Variants in TRPM2 observed in about 807,000 individuals in gnomAD.
TRPM2 encodes estrogen-responsive element-associated gene 1 protein.
Under a neutral mutation model 174.0 loss-of-function variants are expected in TRPM2, and 161 were observed. That is an observed-to-expected ratio of 0.93 (90% CI 0.81 to 1.05). TRPM2 has a LOEUF of 1.05. Among genes scored for constraint, TRPM2 ranks in the 50% least tolerant of loss-of-function variants. The probability of loss-of-function intolerance (pLI) is 0.00; values close to 1 mark genes in which losing one functional copy is unlikely to be tolerated. For missense variants in TRPM2, 2,057 were observed against 2,038.0 expected (o/e 1.01, Z -0.18); for synonymous variants, 954 against 861.3 (o/e 1.11, Z -1.88).
intron 12 of TRPM2, among the ~76,000 whole-genome samples, chr21:44,397,101 C>T (rs1380648020): frequency 6.6e-6 from 1 of 151,104 alleles, no homozygotes; most frequent in Non-Finnish European, 1.5e-5. Flanking sequence ...TGCAGTGGCA[C>T]AATCTCGGCT....
In TRPM2 at chr21:44,379,176, G is replaced by A. The variant is rs1239124917; in HGVS notation, c.1194G>A (p.Arg398=). The A allele has an allele frequency of 1.9e-6, 3 of 1,613,234 alleles. No homozygotes were observed. Among genetic ancestry groups the A allele is most frequent in the Admixed American group, 3.3e-5 (2 of 60,032 alleles). Residue 398 remains arginine, a synonymous_variant, in exon 8 of 32, where the codon AGG becomes AGA. Transcript: ENST00000397928. ...TGTTTGAGACCTTCACGGAAAGCAG[G>A]ATTGTCGAGTGGACCAAAAAGGTGA... The part of the protein sequence containing the change: ...QEMFETFTES[R]IVEWTKKIQD...
intron 27 of TRPM2, among the ~76,000 whole-genome samples, chr21:44,433,442 C>T (rs556168258): frequency 1.3e-5 from 2 of 152,336 alleles, no homozygotes; most frequent in African/African-American, 2.4e-5. Context: ...TGCCCAGTGC[C>T]GAATTTGTCC....
In TRPM2 at chr21:44,441,890, C is replaced by G. The variant is rs2146437870; in HGVS notation, c.*73C>G. The G allele has an allele frequency of 1.3e-6, 2 of 1,499,516 alleles. No homozygotes were observed. The highest frequency in any genetic ancestry group is 1.4e-5 in the South Asian group (1 of 73,412). 92.9% of individuals were successfully genotyped at this position (1,499,516 alleles called of 1,614,324 possible). On this transcript the variant is annotated 3_prime_UTR_variant, in exon 32 of 32. Transcript: ENST00000397928. ...AAACCAGGGCTTCTCTCTCCTGAGC[C>G]TGGCCAGGACTCAGGCTGTTCCTGG...
chr21:44,387,463 A>G (rs546951616), intron 9 of TRPM2, among the ~76,000 whole-genome samples: 2 of 152,374 alleles, frequency 1.3e-5, no homozygotes, highest in Non-Finnish European at 2.9e-5. Flanking sequence ...AGCACAGGGC[A>G]AAAACTTCAT....
At chr21:44,419,280 G>T (rs553891501) in intron 22 of TRPM2, among the ~76,000 whole-genome samples, 2 of 152,246 alleles carry the variant, frequency 1.3e-5, no homozygotes, top group South Asian at 2.1e-4. Flanking sequence ...AGCTGGCAAG[G>T]GATGGCCAAG....
Position 44,412,164 on chromosome 21 carries a change from A to G in TRPM2, c.2963-1727A>G, listed in dbSNP as rs1458796786. ...TATATTTTGGAAGAGTTTGTAAAAGAGTGGTTTTAATTCTTCCGTGAACAT... is the reference window on the plus strand; with the variant it reads ...TATATTTTGGAAGAGTTTGTAAAAGGGTGGTTTTAATTCTTCCGTGAACAT... On this transcript the variant is annotated intron_variant, in intron 19 of 31. Transcript: ENST00000397928. Among the ~76,000 whole-genome samples the G allele has an allele frequency of 7.2e-5, 11 of 152,298 alleles. No homozygotes were observed. In the East Asian group the frequency reaches 2.1e-3, roughly 29 times the overall value.
At chr21:44,357,604 C>T (rs968787892) in intron 2 of TRPM2, among the ~76,000 whole-genome samples, 9 of 152,362 alleles carry the variant, frequency 5.9e-5, no homozygotes, top group East Asian at 1.9e-4. Flanking sequence ...CCATTCGAGG[C>T]TCAGAGCCCA....
chr21:44,360,784 C>T (rs1417898063), intron 2 of TRPM2, among the ~76,000 whole-genome samples: 1 of 152,060 alleles, frequency 6.6e-6, no homozygotes, highest in Non-Finnish European at 1.5e-5. Context: ...TCAGGCTGGT[C>T]TCGGACTCGG....
upstream of TRPM2, among the ~76,000 whole-genome samples, chr21:44,351,480 A>C (rs977351371): frequency 6.6e-6 from 1 of 152,220 alleles, no homozygotes; most frequent in Non-Finnish European, 1.5e-5. Flanking sequence ...GTCTTCTGGA[A>C]GCTCATTTCC....
intron 27 of TRPM2, among the ~76,000 whole-genome samples, chr21:44,433,012 A>C (rs2051083186): frequency 6.6e-6 from 1 of 152,140 alleles, no homozygotes; most frequent in South Asian, 2.1e-4. Context: ...GGGCACAGTG[A>C]GAGCAGCTGA....
At chr21:44,405,040 A>G in intron 16 of TRPM2, 102 bp from the exon 17 acceptor site, 1 of 1,499,900 alleles carries the variant, frequency 6.7e-7, no homozygotes, top group South Asian at 1.2e-5. Flanking sequence ...GATGATAGTG[A>G]CAGTGACTGT....
rs921438950 is a variant in TRPM2, at chr21:44,367,271, G to A, written c.604+337G>A. On this transcript the variant is annotated intron_variant, in intron 4 of 31. Coordinates refer to ENST00000397928, the MANE Select transcript of TRPM2 (RefSeq NM_003307.4). The surrounding 1 kb of genome is among the most constrained non-coding windows in gnomAD (Gnocchi z 4.6). ...CCTCGGTGGCCTGAGAACCTTGGTG[G>A]CCTGGGAATCTTGGTGGCCTGAGAA... Among the ~76,000 whole-genome samples the A allele has an allele frequency of 1.3e-5, 2 of 152,002 alleles. No homozygotes were observed. Among genetic ancestry groups the A allele is most frequent in the African/African-American group, 4.8e-5 (2 of 41,360 alleles).
chr21:44,386,553 G>A (rs1389269376), intron 9 of TRPM2, among the ~76,000 whole-genome samples: 2 of 152,126 alleles, frequency 1.3e-5, no homozygotes, highest in Non-Finnish European at 2.9e-5. Flanking sequence ...TGAAAGACTT[G>A]TACAATGAAA....
chr21:44,401,738 C>T lies in TRPM2; in HGVS notation c.2379C>T (p.Thr793=), dbSNP rs774247721. The stretch of plus-strand genomic sequence containing the variant: ...CGGCCCGCGCCCGTGCCTTCTTCAC[C>T]GCACCCGTGGTGGTCTTCCACCTGA... The part of the protein sequence containing the change: ...TPAARARAFF[T]APVVVFHLNI... The change falls in exon 16 of 32, where the codon ACC becomes ACT. Residue 793 remains threonine (T), a synonymous_variant. Coordinates refer to ENST00000397928, the MANE Select transcript of TRPM2 (RefSeq NM_003307.4). 2.2e-5 allele frequency: 35 copies of T among 1,613,470 alleles called. No homozygotes were observed. The highest frequency in any genetic ancestry group is 1.2e-4 in the Admixed American group (7 of 60,000).
chr21:44,394,317 CTTTTTTTT>C (rs35448660), intron 11 of TRPM2, among the ~76,000 whole-genome samples: 1 of 112,688 alleles, frequency 8.9e-6, no homozygotes, highest in East Asian at 2.5e-4. Context: ...AAACACATTT[CTTTTTTTT>C]TTTTTTTTTT....
intron 5 of TRPM2, among the ~76,000 whole-genome samples, chr21:44,374,392 A>G (rs2146188703): frequency 6.6e-6 from 1 of 152,240 alleles, no homozygotes; most frequent in African/African-American, 2.4e-5. Context: ...TTTTCCACAG[A>G]TGGGGGCGGG....
At position 44,399,383 on chromosome 21, in the gene TRPM2, G is replaced by A; in HGVS notation, c.2150G>A (p.Cys717Tyr). 1 of 1,612,722 alleles carries A rather than the reference G, an allele frequency of 6.2e-7. No individual in the cohort carries two copies. Among genetic ancestry groups the A allele is most frequent in the South Asian group, 1.1e-5 (1 of 91,060 alleles). ...RVSEAWGKTT[C>Y]LQLALEAKDM... ...TCCGAGGCCTGGGGGAAGACCACCT[G>A]CCTGCAGCTCGCCCTGGAGGCCAAG... The change falls in exon 14 of 32, where the codon TGC becomes TAC. Residue 717 changes from cysteine to tyrosine, a missense_variant. Transcript: ENST00000397928. The surrounding 1 kb of genome is among the most constrained non-coding windows in gnomAD (Gnocchi z 4.6).
At chr21:44,361,569 A>C (rs191729192) in intron 2 of TRPM2, among the ~76,000 whole-genome samples, 3 of 151,326 alleles carry the variant, frequency 2.0e-5, no homozygotes. Context: ...TATTTAGAAA[A>C]TTTATATTTA....
intron 5 of TRPM2, among the ~76,000 whole-genome samples, chr21:44,373,232 G>A (rs2146183590): frequency 6.6e-6 from 1 of 152,082 alleles, no homozygotes; most frequent in Non-Finnish European, 1.5e-5. Context: ...TGTTGCCCAG[G>A]CTGGAGTGCA....
Sources: allele counts gnomAD v4.1 joint callset (sites outside exome capture counted in the v4.1 genomes callset), GRCh38; gene constraint gnomAD v4.1.1; non-coding constraint Gnocchi (gnomAD v3.1); transcripts MANE v1.5; gene names NCBI Gene and HGNC (gene_info 2026-07-23, HGNC 2026-07-21).